Variants in PVT1 observed in about 807,000 individuals in gnomAD.
PVT1 encodes the protein CXCR4/PVT1 fusion.
chr8:127,803,370 C>T (rs1814490469), intron 2 of PVT1: 1 of 152,164 alleles, frequency 6.6e-6, no homozygotes, highest in African/African-American at 2.4e-5. Flanking sequence ...ACCTCGTGAT[C>T]CGCCCGCCTT....
intron 4 of PVT1, among the ~76,000 whole-genome samples, chr8:127,999,754 G>A (rs909500174): frequency 3.3e-5 from 5 of 152,188 alleles, no homozygotes; most frequent in Admixed American, 1.3e-4. Context: ...GAGTCACCAC[G>A]CCCGGCCCCC....
intron 4 of PVT1, among the ~76,000 whole-genome samples, chr8:128,060,671 T>G (rs2130120243): frequency 6.6e-6 from 1 of 152,292 alleles, no homozygotes; most frequent in South Asian, 2.1e-4. Flanking sequence ...GCCAAACACT[T>G]TTGCAGTTAA....
At chr8:127,819,013 TC>T (rs1425055292) in intron 2 of PVT1, among the ~76,000 whole-genome samples, 1 of 152,128 alleles carries the variant, frequency 6.6e-6, no homozygotes, top group Non-Finnish European at 1.5e-5. Context: ...GTGCTACCGC[TC>T]CTAGCTAATT....
intron 4 of PVT1, among the ~76,000 whole-genome samples, chr8:128,025,216 G>A (rs966178535): frequency 2.0e-5 from 3 of 152,134 alleles, no homozygotes; most frequent in Non-Finnish European, 4.4e-5. Context: ...TCAGCGGTTC[G>A]GGGTACGGAA....
At position 127,929,637 on chromosome 8, in the gene PVT1, G is replaced by A. The variant is rs1015625764; in HGVS notation, n.782+38639G>A. On this transcript the variant is annotated intron_variant and non_coding_transcript_variant, in intron 3 of 10. Coordinates refer to ENST00000651587, the Ensembl canonical transcript of PVT1. ...AAAAAAATTAGCCGGGCATGGTGGC[G>A]GGCGCCTGTAGTCCCAGCTACTCGG... Among the ~76,000 whole-genome samples the A allele has an allele frequency of 8.5e-5, 13 of 152,206 alleles. No homozygotes were observed. In the South Asian group the frequency reaches 1.5e-3, roughly 17 times the overall value.
In PVT1 at chr8:127,817,421, G is replaced by GATAT. The variant is rs61396145; in HGVS notation, n.372+21359_372+21362dup. Among the ~76,000 whole-genome samples the GATAT allele has an allele frequency of 4.0e-4, 52 of 130,902 alleles. 1 individual carries two copies. Among genetic ancestry groups the GATAT allele is most frequent in the Middle Eastern group, 4.2e-3 (1 of 238 alleles). The allele number at this position is 130,902 out of a possible 152,430, so 85.9% of individuals were successfully genotyped here. A position where few individuals can be genotyped will look rare whatever the true frequency, so the allele number is the denominator to read the frequency against. ...ATATTAAATAATATATATTTAAATAGATATATATATATTACAGACTCAATT... is the reference window on the plus strand; with the variant it reads ...ATATTAAATAATATATATTTAAATAGATATATATATATATATTACAGACTCAATT... On this transcript the variant is annotated intron_variant and non_coding_transcript_variant, in intron 2 of 10. Transcript: ENST00000651587.
intron 3 of PVT1, among the ~76,000 whole-genome samples, chr8:127,984,913 C>CTT (rs372508608): frequency 1.6e-5 from 1 of 61,876 alleles, no homozygotes; most frequent in African/African-American, 5.1e-5. Flanking sequence ...TTCTTTCTTT[C>CTT]TTTCTTTCTC....
At chr8:127,914,253 C>A (rs1281402673) in intron 3 of PVT1, among the ~76,000 whole-genome samples, 1 of 83,254 alleles carries the variant, frequency 1.2e-5, no homozygotes, top group East Asian at 3.9e-4. Flanking sequence ...ACCACCACCA[C>A]CAACAGCAAA....
chr8:127,916,149 A>C (rs574446400), intron 3 of PVT1, among the ~76,000 whole-genome samples: 1 of 152,188 alleles, frequency 6.6e-6, no homozygotes, highest in Non-Finnish European at 1.5e-5. Context: ...GTTTCCCTAA[A>C]TGTGCAGTGG....
In PVT1 at chr8:127,947,793, A is replaced by ATGAATATTTGTGAAATAGTTGT. The variant is rs1417174200; in HGVS notation, n.783-41369_783-41368insTGAATATTTGTGAAATAGTTGT. On this transcript the variant is annotated intron_variant and non_coding_transcript_variant, in intron 3 of 10. Transcript: ENST00000651587. ...GGTTTCTGAATCTTGTGAAATAGTT[A>ATGAATATTTGTGAAATAGTTGT]CAAATACTATGAAACAGGAATACAA... is the stretch of plus-strand genomic sequence containing the variant. The ATGAATATTTGTGAAATAGTTGT allele has an allele frequency of 1.5e-5, 7 of 456,436 alleles. No homozygotes were observed. The Admixed American group carries it at 1.6e-4, about 11-fold the overall frequency. The allele number at this position is 456,436 out of a possible 1,614,324, so 28.3% of individuals were successfully genotyped here.
chr8:127,935,192 C>T (rs189276159), intron 3 of PVT1, among the ~76,000 whole-genome samples: 2 of 152,238 alleles, frequency 1.3e-5, no homozygotes, highest in East Asian at 1.9e-4. Context: ...TCTCGAGCTC[C>T]GGACCTCAGG....
intron 3 of PVT1, among the ~76,000 whole-genome samples, chr8:127,958,219 T>G (rs1457102115): frequency 6.6e-6 from 1 of 152,076 alleles, no homozygotes; most frequent in Non-Finnish European, 1.5e-5. Context: ...TTTTTTCTCT[T>G]CTTTTTTTGT....
At chr8:127,989,117 A>C (rs1181937518) in intron 3 of PVT1, 3 of 152,204 alleles carry the variant, frequency 2.0e-5, no homozygotes, top group Non-Finnish European at 4.4e-5. Context: ...AATCTATTCA[A>C]GGTAAACATT....
intron 3 of PVT1, among the ~76,000 whole-genome samples, chr8:127,921,047 G>A (rs1816050253): frequency 6.6e-6 from 1 of 152,188 alleles, no homozygotes; most frequent in South Asian, 2.1e-4. Context: ...CATTTTCAAT[G>A]AAATGACAGT....
intron 4 of PVT1, among the ~76,000 whole-genome samples, chr8:128,069,134 G>A (rs1190698703): frequency 6.6e-6 from 1 of 152,076 alleles, no homozygotes. Flanking sequence ...TCTCTGATGT[G>A]GCAATTACAT....
At chr8:127,851,911 A>G (rs975895408) in intron 2 of PVT1, 1 of 152,374 alleles carries the variant, frequency 6.6e-6, no homozygotes, top group Non-Finnish European at 1.5e-5. Flanking sequence ...CCATGCTCAC[A>G]GTCTCTGTTC....
At chr8:128,051,976 T>C (rs1279236220) in intron 4 of PVT1, among the ~76,000 whole-genome samples, 1 of 152,242 alleles carries the variant, frequency 6.6e-6, no homozygotes, top group African/African-American at 2.4e-5. Context: ...TTTTTAGTCA[T>C]GTTTCCTTGT....
At chr8:128,058,827 G>A (rs77121002) in intron 4 of PVT1, among the ~76,000 whole-genome samples, 1 of 152,080 alleles carries the variant, frequency 6.6e-6, no homozygotes, top group African/African-American at 2.4e-5. Flanking sequence ...CCATGTCCTC[G>A]AGCCCTCCAC....
At chr8:128,015,174 C>G (rs1483525577) in intron 4 of PVT1, among the ~76,000 whole-genome samples, 1 of 152,008 alleles carries the variant, frequency 6.6e-6, no homozygotes, top group African/African-American at 2.4e-5. Context: ...ACTGCAACCT[C>G]TGGTATCTGG....
Sources: gnomAD v4.1 joint callset for allele counts (sites outside exome capture counted in the v4.1 genomes callset) on GRCh38, gnomAD v4.1.1 for gene constraint, MANE v1.5 for transcripts, NCBI Gene and HGNC (gene_info 2026-07-23, HGNC 2026-07-21) for gene names.